Variants in DGKD observed in about 807,000 individuals in gnomAD.
The protein encoded by DGKD is DAG kinase delta.
In DGKD, 68 loss-of-function variants were observed where a neutral mutation model predicts 154.4. The ratio of observed to expected loss-of-function variants is 0.44; its 90% CI spans 0.36 to 0.54. DGKD has a LOEUF of 0.54. DGKD is among the 20% of genes least tolerant of loss of function. The probability of loss-of-function intolerance (pLI) is 0.00; values close to 1 mark genes in which losing one functional copy is unlikely to be tolerated. For synonymous variants in DGKD, 693 were observed against 638.0 expected (o/e 1.09, Z -1.30); for missense variants, 1,343 against 1,593.6 (o/e 0.84, Z 2.68).
chr2:233,466,522 A>T (rs1211329932), intron 27 of DGKD, among the ~76,000 whole-genome samples: 1 of 152,112 alleles, frequency 6.6e-6, no homozygotes, highest in African/African-American at 2.4e-5. Flanking sequence ...AGGCAGTGTT[A>T]CCTCCGTGCA....
chr2:233,456,013 G>A (rs1205206926), intron 19 of DGKD, among the ~76,000 whole-genome samples: 9 of 152,174 alleles, frequency 5.9e-5, no homozygotes, highest in Non-Finnish European at 7.3e-5. Flanking sequence ...CTTTAGCAGG[G>A]TAAAATAAGT....
chr2:233,460,770 T>TA (rs1350603906), intron 24 of DGKD, among the ~76,000 whole-genome samples: 1 of 152,090 alleles, frequency 6.6e-6, no homozygotes, highest in Non-Finnish European at 1.5e-5. Flanking sequence ...CGGGCGCCTG[T>TA]AGTCCCAGCT....
Position 233,449,186 on chromosome 2 carries a change from GC to G in DGKD, c.1704del (p.Thr569ProfsTer43). The G allele has an allele frequency of 6.2e-7, 1 of 1,613,442 alleles. No homozygotes were observed. Among genetic ancestry groups the G allele is most frequent in the African/African-American group, 1.3e-5 (1 of 74,984 alleles). On this transcript the variant is annotated frameshift_variant, in exon 15 of 30. Transcript: ENST00000264057. LOFTEE classifies it high-confidence loss of function. This position sits in a 1 kb window ranked among gnomAD's most constrained non-coding sequence, Gnocchi z 5.3. Reference sequence around the variant, plus strand: ...AGGCCTCGTCCTCTCTGCCCAACCCGCCCCCCACCATTGCCGAGGAGGCTGA... The same window carrying G: ...AGGCCTCGTCCTCTCTGCCCAACCCGCCCCCACCATTGCCGAGGAGGCTGA... ...SQASSSLPNP[P>X]PTIAEEAEDG... is the part of the protein sequence containing the mutation.
intron 24 of DGKD, among the ~76,000 whole-genome samples, chr2:233,460,911 CAAAAA>C (rs1559179488): frequency 6.6e-6 from 1 of 151,530 alleles, no homozygotes; most frequent in Non-Finnish European, 1.5e-5. Context: ...CAAAACAAAA[CAAAAA>C]AACCCTGCCC....
At position 233,449,794 on chromosome 2, in the gene DGKD, C is replaced by T. The variant is rs1030264153; in HGVS notation, c.1889-188C>T. On this transcript the variant is annotated intron_variant, in intron 15 of 29. Coordinates refer to ENST00000264057, the MANE Select transcript of DGKD (RefSeq NM_152879.3). This position sits in a 1 kb window ranked among gnomAD's most constrained non-coding sequence, Gnocchi z 5.3. ...AGACCTCCCAGCCTGTTAGCAGGGA[C>T]GCCCTGCCCCAGTGCCAGGACCAGG... Among the ~76,000 whole-genome samples, 5 of 152,126 alleles carry T rather than the reference C, an allele frequency of 3.3e-5. No individual in the cohort carries two copies. Among genetic ancestry groups the T allele is most frequent in the African/African-American group, 9.7e-5 (4 of 41,426 alleles).
chr2:233,401,789 G>A (rs28506837), intron 3 of DGKD, among the ~76,000 whole-genome samples: 14,725 of 151,554 alleles, frequency 0.097, 779 homozygotes, highest in African/African-American at 0.15. Context: ...ACATGGTGGC[G>A]GGCGCCTGTA....
chr2:233,403,259 T>A (rs1375188435), intron 3 of DGKD, among the ~76,000 whole-genome samples: 1 of 152,104 alleles, frequency 6.6e-6, no homozygotes, highest in African/African-American at 2.4e-5. Context: ...TAAAGGAAAT[T>A]TAAAATAGGG....
chr2:233,461,394 C>T (rs1319585044), intron 24 of DGKD, among the ~76,000 whole-genome samples: 1 of 152,278 alleles, frequency 6.6e-6, no homozygotes, highest in Non-Finnish European at 1.5e-5. Flanking sequence ...ATCGTCTGTG[C>T]CAGCCTTCGG....
At position 233,445,172 on chromosome 2, in the gene DGKD, T is replaced by C. The variant is rs968206545; in HGVS notation, c.1195-451T>C. Among the ~76,000 whole-genome samples the C allele has an allele frequency of 1.3e-5, 2 of 151,912 alleles. No individual in the cohort carries two copies. Among genetic ancestry groups the C allele is most frequent in the African/African-American group, 2.4e-5 (1 of 41,340 alleles). On this transcript the variant is annotated intron_variant, in intron 10 of 29. Coordinates refer to ENST00000264057, the MANE Select transcript of DGKD (RefSeq NM_152879.3). This position sits in a 1 kb window ranked among gnomAD's most constrained non-coding sequence, Gnocchi z 5.5. ...ATTTAGAGGAGAGAAGTGATACTAGTGATGTTTTTGGAAGAAGAATTTGGC... is the reference window on the plus strand; with the variant it reads ...ATTTAGAGGAGAGAAGTGATACTAGCGATGTTTTTGGAAGAAGAATTTGGC...
chr2:233,417,527 T>G (rs2061989093), intron 3 of DGKD, among the ~76,000 whole-genome samples: 1 of 152,232 alleles, frequency 6.6e-6, no homozygotes, highest in Non-Finnish European at 1.5e-5. Flanking sequence ...TGTGCCCTTT[T>G]GTAGAGTATG....
intron 3 of DGKD, among the ~76,000 whole-genome samples, chr2:233,403,977 A>G (rs1331198233): frequency 1.3e-5 from 2 of 152,168 alleles, no homozygotes; most frequent in African/African-American, 2.4e-5. Context: ...ATTAAATTTT[A>G]CATGTGTTAT....
intron 1 of DGKD, among the ~76,000 whole-genome samples, chr2:233,385,268 A>G (rs111269412): frequency 6.6e-6 from 1 of 152,250 alleles, no homozygotes; most frequent in Non-Finnish European, 1.5e-5. Context: ...GGCTGGGCAT[A>G]TGTCTGTCGG....
intron 3 of DGKD, among the ~76,000 whole-genome samples, chr2:233,391,419 C>CT (rs1703607684): frequency 6.6e-6 from 1 of 151,938 alleles, no homozygotes; most frequent in Non-Finnish European, 1.5e-5. Flanking sequence ...TTTCCCCCCC[C>CT]AGGACAATTT....
chr2:233,370,569 T>A (rs1464131987), intron 1 of DGKD, among the ~76,000 whole-genome samples: 2 of 118,306 alleles, frequency 1.7e-5, no homozygotes, highest in African/African-American at 6.2e-5. Context: ...CAGAACTTCT[T>A]CTTTTTTTTT....
At chr2:233,361,456 A>G (rs760322253) in intron 1 of DGKD, among the ~76,000 whole-genome samples, 2 of 152,212 alleles carry the variant, frequency 1.3e-5, no homozygotes, top group African/African-American at 2.4e-5. Flanking sequence ...TTGTGCATAC[A>G]GTAAAAAAAT....
chr2:233,469,603 C>T lies in DGKD; in HGVS notation c.*143C>T, dbSNP rs1211971490. The T allele has an allele frequency of 1.0e-5, 7 of 678,444 alleles. No individual in the cohort carries two copies. The highest frequency in any genetic ancestry group is 1.8e-5 in the Non-Finnish European group (7 of 397,604). 42.0% of individuals were successfully genotyped at this position (678,444 alleles called of 1,614,324 possible). On this transcript the variant is annotated 3_prime_UTR_variant, in exon 30 of 30. Transcript: ENST00000264057. Reference sequence around the variant, plus strand: ...CGCCCCCTTCTCATGGTGCTACTTCCTCTGTCAGCTACAGAAAGCCTCCGT... The same window carrying T: ...CGCCCCCTTCTCATGGTGCTACTTCTTCTGTCAGCTACAGAAAGCCTCCGT...
At chr2:233,371,358 T>TATTC (rs1559477676) in intron 1 of DGKD, among the ~76,000 whole-genome samples, 1 of 152,218 alleles carries the variant, frequency 6.6e-6, no homozygotes, top group Non-Finnish European at 1.5e-5. Flanking sequence ...AAGAAATACC[T>TATTC]ATTCAGGTCC....
At position 233,451,014 on chromosome 2, in the gene DGKD, G is replaced by A. The variant is rs878943775; in HGVS notation, c.2131G>A (p.Gly711Ser). The change falls in exon 17 of 30, where the codon GGC (glycine) becomes AGC (serine). Residue 711 changes from glycine to serine, a missense_variant. Physicochemically the swap from Gly to Ser is moderately conservative, Grantham distance 56. Around this residue, in one of 6 missense-constraint regions of DGKD, gnomAD observed 409 missense variants for 446.0 expected, o/e 0.92. Coordinates refer to ENST00000264057, the MANE Select transcript of DGKD (RefSeq NM_152879.3). ...SLPPQPGSRDGLPALNTKILY... is the reference protein window; with the variant it reads ...SLPPQPGSRDSLPALNTKILY... ...TCCGCCCCAGCCGGGAAGCCGGGAC[G>A]GCCTGCCTGCGCTCAACACCAAGAT... 9 of 1,612,056 alleles carry A rather than the reference G, an allele frequency of 5.6e-6. No homozygotes were observed. The highest frequency in any genetic ancestry group is 1.6e-4 in the Middle Eastern group (1 of 6,074).
Position 233,451,966 on chromosome 2 carries a change from G to A in DGKD, c.2170G>A (p.Val724Ile). 1 of 1,613,832 alleles carries A rather than the reference G, an allele frequency of 6.2e-7. No homozygotes were observed. The highest frequency in any genetic ancestry group is 8.5e-7 in the Non-Finnish European group (1 of 1,179,816). Residue 724 changes from valine (V) to isoleucine (I), a missense_variant and splice_region_variant, in exon 18 of 30, where the codon GTC becomes ATC. Physicochemically the swap from Val to Ile is conservative, Grantham distance 29. This residue lies in a region of DGKD where 409 missense variants were observed against 446.0 expected (regional missense o/e 0.92). Coordinates refer to ENST00000264057, the MANE Select transcript of DGKD (RefSeq NM_152879.3). ...TCTTTCTTGTATCTCCTTTACAGAT[G>A]TCCGGGCTGGAATGTCTGGTTCCTT... ...ALNTKILYPN[V>I]RAGMSGSLPG...
Sources: allele counts gnomAD v4.1 joint callset (sites outside exome capture counted in the v4.1 genomes callset), GRCh38; gene constraint gnomAD v4.1.1; regional missense constraint gnomAD v4.1.1; non-coding constraint Gnocchi (gnomAD v3.1); transcripts MANE v1.5; gene names NCBI Gene and HGNC (gene_info 2026-07-23, HGNC 2026-07-21).